CIMAP1A: variants seen among roughly 807,000 people sequenced by gnomAD.
The protein encoded by CIMAP1A is cancer/testis antigen 135.
the CIMAP1A span, chr11:200,001 T>A: frequency 1.2e-6 from 2 of 1,614,094 alleles, no homozygotes; most frequent in Non-Finnish European, 1.7e-6. Flanking sequence ...ACACTCTGAT[T>A]ACATGACTCC....
chr11:199,089 CCTCT>C, the CIMAP1A span: 1 of 1,305,844 alleles, frequency 7.7e-7, no homozygotes, highest in East Asian at 3.3e-5. Flanking sequence ...GCAGCAACAG[CCTCT>C]CTCACACACG....
the CIMAP1A span, chr11:197,202 T>C: frequency 6.6e-6 from 5 of 756,540 alleles, no homozygotes; most frequent in South Asian, 9.8e-5. Context: ...GTCTTACCCT[T>C]CAGTGTCAGC....
the CIMAP1A span, chr11:198,719 C>T: frequency 2.0e-6 from 3 of 1,479,318 alleles, 1 homozygote; most frequent in South Asian, 2.8e-5. Context: ...CCTCTGGGCA[C>T]CTGCCACGTG....
the CIMAP1A span, chr11:199,379 C>A: frequency 6.4e-7 from 1 of 1,572,086 alleles, no homozygotes; most frequent in East Asian, 2.3e-5. Flanking sequence ...ACCCCAGGTC[C>A]CGCAGCCTAC....
the CIMAP1A span, chr11:198,114 A>T: frequency 6.4e-7 from 1 of 1,559,646 alleles, no homozygotes; most frequent in Admixed American, 1.9e-5. Context: ...CCACGCCTAG[A>T]ATGTTGGGGA....
chr11:198,406 C>G, the CIMAP1A span: 7 of 1,612,934 alleles, frequency 4.3e-6, no homozygotes, highest in South Asian at 6.6e-5. Flanking sequence ...TGGGGGAGAG[C>G]CCCAGGGAAG....
At chr11:197,718 C>T in the CIMAP1A span, 4 of 1,613,832 alleles carry the variant, frequency 2.5e-6, no homozygotes, top group African/African-American at 1.3e-5. Context: ...CCTACTCCAT[C>T]CTGGGGCGCT....
the CIMAP1A span, chr11:199,371 C>G: frequency 1.3e-6 from 2 of 1,569,904 alleles, no homozygotes; most frequent in Non-Finnish European, 8.6e-7. Context: ...CCTCTCAGAC[C>G]CCAGGTCCCG....
At chr11:198,547 C>T in the CIMAP1A span, 61 of 1,612,414 alleles carry the variant, frequency 3.8e-5, no homozygotes, top group East Asian at 4.0e-4. Flanking sequence ...CATCAAGGGC[C>T]GCAGCAAGCT....
the CIMAP1A span, chr11:199,565 G>A: frequency 2.0e-6 from 3 of 1,525,692 alleles, no homozygotes; most frequent in Admixed American, 2.0e-5. Flanking sequence ...CTGGCCCAGA[G>A]GGATGTGTAG....
the CIMAP1A span, chr11:198,113 G>GA: frequency 1.3e-6 from 2 of 1,558,850 alleles, no homozygotes; most frequent in Non-Finnish European, 1.7e-6. Flanking sequence ...CCCACGCCTA[G>GA]AATGTTGGGG....
the CIMAP1A span, chr11:199,197 CAAGCAG>C: frequency 7.0e-7 from 1 of 1,436,748 alleles, no homozygotes; most frequent in Non-Finnish European, 9.1e-7. Flanking sequence ...AGGTACCCCA[CAAGCAG>C]TGGGGTGTGA....
the CIMAP1A span, chr11:198,685 C>T: frequency 6.6e-7 from 1 of 1,507,332 alleles, no homozygotes; most frequent in South Asian, 1.3e-5. Flanking sequence ...TTGCCAATGC[C>T]CCTCAGCCCC....
chr11:198,665 C>T, the CIMAP1A span: 60 of 1,533,586 alleles, frequency 3.9e-5, no homozygotes, highest in Non-Finnish European at 5.3e-5. Context: ...CCCACCAGTT[C>T]GGCCCTGCCT....
the CIMAP1A span, chr11:199,569 T>C: frequency 1.3e-6 from 2 of 1,498,190 alleles, no homozygotes; most frequent in Non-Finnish European, 8.9e-7. Flanking sequence ...CCCAGAGGGA[T>C]GTGTAGGAAA....
the CIMAP1A span, chr11:199,626 G>A: frequency 7.9e-7 from 1 of 1,263,258 alleles, no homozygotes; most frequent in Non-Finnish European, 1.0e-6. Context: ...ACAGGGTCAG[G>A]CTATGGAAGG....
the CIMAP1A span, chr11:196,959 A>T: frequency 5.8e-6 from 1 of 173,794 alleles, no homozygotes; most frequent in Non-Finnish European, 1.2e-5. Flanking sequence ...CCTGCCCCTC[A>T]GCTCAGCCTC....
the CIMAP1A span, chr11:197,381 C>G: frequency 6.2e-7 from 1 of 1,600,390 alleles, no homozygotes; most frequent in Non-Finnish European, 8.5e-7. Context: ...TACAGCAGCC[C>G]TGGACCCAAG....
the CIMAP1A span, chr11:197,454 G>A: frequency 1.3e-6 from 2 of 1,593,132 alleles, no homozygotes; most frequent in South Asian, 1.1e-5. Flanking sequence ...CAGGAGCCAG[G>A]CGGGCAGGTG....
Sources: allele counts gnomAD v4.1 joint callset, GRCh38; gene constraint gnomAD v4.1.1; transcripts MANE v1.5; gene names NCBI Gene and HGNC (gene_info 2026-07-23, HGNC 2026-07-21).